Variants in PARP1 observed in about 807,000 individuals in gnomAD.
PARP1 encodes the protein poly(ADP-ribose) polymerase 1.
A neutral mutation model predicts 118.7 loss-of-function variants in PARP1; 44 were observed. That is an observed-to-expected ratio of 0.37 (90% CI 0.29 to 0.48). PARP1 has a LOEUF of 0.48. PARP1 is among the 20% of genes least tolerant of loss of function. PARP1 has a pLI of 0.99. For missense variants in PARP1, 1,100 were observed against 1,272.4 expected (o/e 0.86, Z 2.06); for synonymous variants, 492 against 483.2 (o/e 1.02, Z -0.24).
At chr1:226,362,802 CAGAG>C (rs1418910344) in intron 21 of PARP1, among the ~76,000 whole-genome samples, 2 of 152,040 alleles carry the variant, frequency 1.3e-5, no homozygotes, top group Non-Finnish European at 2.9e-5. Context: ...GCTGCAGCCA[CAGAG>C]AGTGAACTGT....
At chr1:226,371,332 G>A (rs559314742) in intron 14 of PARP1, among the ~76,000 whole-genome samples, 1 of 152,326 alleles carries the variant, frequency 6.6e-6, no homozygotes, top group African/African-American at 2.4e-5. Flanking sequence ...GGCCGTGACT[G>A]CGCCTTTCCA....
chr1:226,394,241 T>C (rs987242744), intron 2 of PARP1, among the ~76,000 whole-genome samples: 2 of 152,178 alleles, frequency 1.3e-5, no homozygotes, highest in African/African-American at 4.8e-5. Flanking sequence ...CCTGTACTCC[T>C]AGCTACTTAG....
chr1:226,399,510 G>T (rs1015992112), intron 2 of PARP1, among the ~76,000 whole-genome samples: 9 of 152,208 alleles, frequency 5.9e-5, no homozygotes, highest in African/African-American at 2.2e-4. Flanking sequence ...GTTACTGGAG[G>T]TTAGAGGGGA....
At chr1:226,381,010 T>C in intron 9 of PARP1, 58 bp downstream of exon 9, 1 of 1,596,440 alleles carries the variant, frequency 6.3e-7, no homozygotes, top group Non-Finnish European at 8.6e-7. Flanking sequence ...TTACTCGTCA[T>C]CACAATCATA....
chr1:226,397,041 C>T (rs976423054), intron 2 of PARP1, among the ~76,000 whole-genome samples: 1 of 151,722 alleles, frequency 6.6e-6, no homozygotes, highest in Non-Finnish European at 1.5e-5. Flanking sequence ...CCTATAAACC[C>T]TGTGCTTTGG....
chr1:226,404,937 C>T (rs1665114485), intron 1 of PARP1, among the ~76,000 whole-genome samples: 1 of 152,148 alleles, frequency 6.6e-6, no homozygotes, highest in Non-Finnish European at 1.5e-5. Flanking sequence ...TGCTCAAACC[C>T]TCCCAGGACA....
rs1355518840 is a variant in PARP1 at position 226,361,532 on chromosome 1, G to A, written c.2973C>T (p.Val991=). 2 of 1,609,576 alleles carry A rather than the reference G, an allele frequency of 1.2e-6. No homozygotes were observed. The highest frequency in any genetic ancestry group is 2.2e-5 in the East Asian group (1 of 44,872). ...DTSLLYNEYI[V]YDIAQVNLKY... ...TCAGATTTACCTGAGCAATATCATA[G>A]ACAATGTACCTGAGGGGAAGCTTGT... Residue 991 remains valine, a synonymous_variant, in exon 23 of 23, where the codon GTC becomes GTT. Transcript: ENST00000366794.
At chr1:226,369,928 C>T (rs981884901) in intron 15 of PARP1, among the ~76,000 whole-genome samples, 1 of 150,716 alleles carries the variant, frequency 6.6e-6, no homozygotes, top group Non-Finnish European at 1.5e-5. Flanking sequence ...TGCACTCCAG[C>T]CTGGGGGACA....
intron 18 of PARP1, 36 bp downstream of exon 18, chr1:226,365,918 G>T: frequency 7.3e-7 from 1 of 1,375,024 alleles, no homozygotes; most frequent in Non-Finnish European, 1.0e-6. Context: ...GAGCTGGCAG[G>T]ACACAGAAGG....
intron 11 of PARP1, 87 bp from the exon 12 acceptor site, chr1:226,379,361 C>T: frequency 1.3e-6 from 2 of 1,548,996 alleles, no homozygotes; most frequent in Non-Finnish European, 1.8e-6. Flanking sequence ...GCCTGAGGTT[C>T]ACGCCTCTTG....
chr1:226,407,995 C>G lies in PARP1; in HGVS notation c.-66G>C, dbSNP rs1006090548. 1.7e-5 allele frequency: 28 copies of G among 1,602,014 alleles called. No homozygotes were observed. In the African/African-American group the frequency reaches 3.3e-4, roughly 19 times the overall value. ...ACGACCTAGAAACACGCTGCCGCCT[C>G]GCCGCCTCGCGTGCGCTCACCCAGC... On this transcript the variant is annotated 5_prime_UTR_variant, in exon 1 of 23. Coordinates refer to ENST00000366794, the MANE Select transcript of PARP1 (RefSeq NM_001618.4).
At chr1:226,371,400 T>C (rs1232178000) in intron 14 of PARP1, among the ~76,000 whole-genome samples, 1 of 152,150 alleles carries the variant, frequency 6.6e-6, no homozygotes, top group Non-Finnish European at 1.5e-5. Context: ...ACAAGAATCT[T>C]AGAAATGGAA....
At chr1:226,379,367 T>C in intron 11 of PARP1, 93 bp from the exon 12 acceptor site, 4 of 1,509,834 alleles carry the variant, frequency 2.6e-6, no homozygotes, top group Non-Finnish European at 3.7e-6. Flanking sequence ...GGTTCACGCC[T>C]CTTGGATACA....
intron 19 of PARP1, chr1:226,364,385 T>C (rs1428922235): frequency 2.7e-6 from 1 of 370,576 alleles, no homozygotes; most frequent in Non-Finnish European, 5.2e-6. Flanking sequence ...CAGTGTTACT[T>C]AAACTAGCGC....
chr1:226,396,325 G>A (rs752064282), intron 2 of PARP1, among the ~76,000 whole-genome samples: 10 of 150,874 alleles, frequency 6.6e-5, no homozygotes, highest in Non-Finnish European at 1.2e-4. Context: ...CAACCTGGGC[G>A]ACAGAGCAAG....
At chr1:226,374,937 T>C (rs1284301123) in intron 13 of PARP1, among the ~76,000 whole-genome samples, 1 of 152,206 alleles carries the variant, frequency 6.6e-6, no homozygotes, top group Admixed American at 6.5e-5. Flanking sequence ...TAATAGACTA[T>C]TGAGACTCCA....
rs1260699580 is a variant in PARP1, at chr1:226,385,501, T to C, written c.1011+3A>G. 2.5e-6 allele frequency: 4 copies of C among 1,613,554 alleles called. No homozygotes were observed. Among genetic ancestry groups the C allele is most frequent in the Non-Finnish European group, 3.4e-6 (4 of 1,179,688 alleles). On this transcript the variant is annotated splice_donor_region_variant and intron_variant, in intron 7 of 22. Coordinates refer to ENST00000366794, the MANE Select transcript of PARP1 (RefSeq NM_001618.4). ...GATCCCAGGATCTTCCCCTACCCCT[T>C]ACCTTTGGGGTTACCCACTCCTTCC...
intron 2 of PARP1, among the ~76,000 whole-genome samples, chr1:226,395,123 TAA>T (rs77368740): frequency 1.4e-5 from 2 of 142,994 alleles, no homozygotes; most frequent in African/African-American, 2.6e-5. Context: ...GGCTATTATT[TAA>T]AAAAAAAAAA....
intron 2 of PARP1, among the ~76,000 whole-genome samples, chr1:226,399,031 T>A (rs1305556673): frequency 1.3e-5 from 2 of 148,396 alleles, no homozygotes; most frequent in Non-Finnish European, 3.0e-5. Flanking sequence ...TATTCAGTAA[T>A]AAAAAGAAAT....
Sources: gnomAD v4.1 joint callset for allele counts (sites outside exome capture counted in the v4.1 genomes callset) on GRCh38, gnomAD v4.1.1 for gene constraint, MANE v1.5 for transcripts, NCBI Gene and HGNC (gene_info 2026-07-23, HGNC 2026-07-21) for gene names.